The following RIOK2 variants were observed in gnomAD, a reference collection of about 807,000 sequenced individuals.
The protein encoded by RIOK2 is serine/threonine-protein kinase RIO2.
In RIOK2, 46 loss-of-function variants were observed where a neutral mutation model predicts 62.4. That is an observed-to-expected ratio of 0.74 (90% CI 0.58 to 0.94). The LOEUF (loss-of-function observed/expected upper bound fraction) is 0.94, where lower values mean the gene tolerates loss of function less well. Among genes scored for constraint, RIOK2 ranks in the 40% least tolerant of loss-of-function variants. The pLI, the probability that RIOK2 is intolerant of heterozygous loss-of-function variation, is 0.00. For synonymous variants in RIOK2, 197 were observed against 216.0 expected (o/e 0.91, Z 0.77); for missense variants, 574 against 658.0 (o/e 0.87, Z 1.40).
chr5:97,172,423 A>G (rs182205787), intron 5 of RIOK2, among the ~76,000 whole-genome samples: 72 of 152,328 alleles, frequency 4.7e-4, no homozygotes, highest in Non-Finnish European at 8.7e-4. Flanking sequence ...CTTCACATCC[A>G]TATCCAATCT....
intron 8 of RIOK2, 105 bp downstream of exon 8, chr5:97,167,361 GA>G (rs1748870405): frequency 6.6e-7 from 1 of 1,508,050 alleles, no homozygotes; most frequent in African/African-American, 1.4e-5. Flanking sequence ...CAAGGTGGCA[GA>G]ATACAATTTT....
chr5:97,171,877 C>T (rs1749019369), intron 5 of RIOK2, among the ~76,000 whole-genome samples: 1 of 152,118 alleles, frequency 6.6e-6, no homozygotes, highest in South Asian at 2.1e-4. Context: ...CTTTGGGAGG[C>T]CAAAGTGCTT....
intron 8 of RIOK2, 55 bp from the exon 9 acceptor site, chr5:97,165,202 C>A: frequency 1.2e-6 from 1 of 836,398 alleles, no homozygotes; most frequent in Non-Finnish European, 1.7e-6. Flanking sequence ...GTAATGAATC[C>A]CATTTGATTA....
chr5:97,178,753 T>A, intron 2 of RIOK2: 1 of 288,344 alleles, frequency 3.5e-6, no homozygotes, highest in South Asian at 3.3e-5. Context: ...TCTGCAGTAC[T>A]CTACATGCTC....
chr5:97,173,104 A>G, intron 5 of RIOK2, 71 bp downstream of exon 5: 1 of 1,142,902 alleles, frequency 8.7e-7, no homozygotes, highest in Non-Finnish European at 1.2e-6. Flanking sequence ...ACTAAAAAAA[A>G]TTTTATTAAA....
chr5:97,176,749 C>T (rs987510241), intron 4 of RIOK2, among the ~76,000 whole-genome samples: 3 of 152,108 alleles, frequency 2.0e-5, no homozygotes, highest in African/African-American at 7.2e-5. Context: ...TGATAATTAC[C>T]TGGTGTTTTC....
At chr5:97,181,696 C>T (rs1749418345) in intron 1 of RIOK2, among the ~76,000 whole-genome samples, 1 of 152,198 alleles carries the variant, frequency 6.6e-6, no homozygotes, top group African/African-American at 2.4e-5. Flanking sequence ...TGATGTCTCA[C>T]CAAAACCTTA....
intron 4 of RIOK2, among the ~76,000 whole-genome samples, chr5:97,173,475 C>T (rs1749072871): frequency 6.6e-6 from 1 of 152,092 alleles, no homozygotes; most frequent in Admixed American, 6.5e-5. Context: ...AGTTTGAATT[C>T]ACTTTTCCAC....
In RIOK2 at chr5:97,183,139, C is replaced by T. The variant is rs1561523697; in HGVS notation, c.53G>A (p.Arg18Lys). 3 of 1,614,120 alleles carry T rather than the reference C, an allele frequency of 1.9e-6. No individual in the cohort carries two copies. The highest frequency in any genetic ancestry group is 1.1e-5 in the South Asian group (1 of 91,086). ...KLRYMSRDDF[R>K]VLTAVEMGMK... ...CGGGTTTCTTACCGCGGTCAAGACC[C>T]TGAAGTCATCTCGGCTCATGTAACG... Residue 18 changes from arginine (R) to lysine (K), a missense_variant, in exon 1 of 10, where the codon AGG becomes AAG. By Grantham distance (26) the Arg-to-Lys change is conservative. Coordinates refer to ENST00000283109, the MANE Select transcript of RIOK2 (RefSeq NM_018343.3).
intron 8 of RIOK2, chr5:97,166,720 G>A: frequency 2.1e-6 from 2 of 951,826 alleles, no homozygotes; most frequent in Non-Finnish European, 2.5e-6. Context: ...AAGGCTCAAG[G>A]TACTAGAGAA....
intron 9 of RIOK2, among the ~76,000 whole-genome samples, chr5:97,163,736 A>C (rs1459066936): frequency 6.6e-6 from 1 of 152,234 alleles, no homozygotes; most frequent in Non-Finnish European, 1.5e-5. Context: ...ATGACTTACA[A>C]GATGAATAAG....
At chr5:97,179,964 TATATATATATATA>T (rs1749293102) in intron 1 of RIOK2, among the ~76,000 whole-genome samples, 4 of 12,562 alleles carry the variant, frequency 3.2e-4, no homozygotes, top group African/African-American at 9.0e-4. Context: ...AAAAGTATTT[TATATATATATATA>T]ATATATATAT....
At chr5:97,170,614 T>C (rs1251369205) in intron 6 of RIOK2, among the ~76,000 whole-genome samples, 2 of 152,180 alleles carry the variant, frequency 1.3e-5, no homozygotes, top group African/African-American at 2.4e-5. Context: ...TAAAAGTCTG[T>C]TTGAACAAAG....
At chr5:97,171,566 T>C (rs1580271078) in intron 5 of RIOK2, among the ~76,000 whole-genome samples, 169 bp from the exon 6 acceptor site, 2 of 152,306 alleles carry the variant, frequency 1.3e-5, no homozygotes, top group African/African-American at 4.8e-5. Flanking sequence ...ATTAAAAAAA[T>C]AGCCACACTG....
At chr5:97,168,602 G>A (rs1748909831) in intron 7 of RIOK2, among the ~76,000 whole-genome samples, 158 bp downstream of exon 7, 1 of 151,984 alleles carries the variant, frequency 6.6e-6, no homozygotes, top group South Asian at 2.1e-4. Flanking sequence ...GTATTTTCAA[G>A]TTTTTAAGTT....
chr5:97,170,611 C>T (rs1011422430), intron 6 of RIOK2, among the ~76,000 whole-genome samples: 1 of 152,172 alleles, frequency 6.6e-6, no homozygotes, highest in Admixed American at 6.5e-5. Flanking sequence ...ATCTAAAAGT[C>T]TGTTTGAACA....
At chr5:97,169,280 G>A (rs764609694) in intron 6 of RIOK2, among the ~76,000 whole-genome samples, 1 of 152,154 alleles carries the variant, frequency 6.6e-6, no homozygotes. Context: ...AAGATCTGAC[G>A]ATAAAAAGAT....
At chr5:97,168,692 A>G in intron 7 of RIOK2, 68 bp downstream of exon 7, 1 of 990,582 alleles carries the variant, frequency 1.0e-6, no homozygotes, top group South Asian at 2.2e-5. Flanking sequence ...TGAAAATGTT[A>G]ATTTTTAGAA....
intron 1 of RIOK2, among the ~76,000 whole-genome samples, chr5:97,180,477 T>C (rs1157135272): frequency 6.6e-6 from 1 of 151,524 alleles, no homozygotes; most frequent in East Asian, 1.9e-4. Context: ...TGGGATAGCA[T>C]ATAGAATTCA....
Sources: gnomAD v4.1 joint callset for allele counts (sites outside exome capture counted in the v4.1 genomes callset) on GRCh38, gnomAD v4.1.1 for gene constraint, MANE v1.5 for transcripts, NCBI Gene and HGNC (gene_info 2026-07-23, HGNC 2026-07-21) for gene names.